The following ST18 variants were observed in gnomAD, a reference collection of about 807,000 sequenced individuals.
ST18 encodes ST18 C2H2C-type zinc finger transcription factor, also known as suppression of tumorigenicity 18 protein.
ST18 carries 50 observed loss-of-function variants against 110.0 expected under a neutral mutation model. That is an observed-to-expected ratio of 0.45 (90% CI 0.36 to 0.58). The LOEUF is 0.58. Among genes scored for constraint, ST18 ranks in the 20% least tolerant of loss-of-function variants. The probability of loss-of-function intolerance (pLI) is 0.00; values close to 1 mark genes in which losing one functional copy is unlikely to be tolerated. For synonymous variants in ST18, 461 were observed against 452.4 expected (o/e 1.02, Z -0.24); for missense variants, 1,306 against 1,280.1 (o/e 1.02, Z -0.31).
intron 2 of ST18, among the ~76,000 whole-genome samples, chr8:52,329,768 A>G (rs566078253): frequency 7.2e-5 from 11 of 152,264 alleles, no homozygotes; most frequent in African/African-American, 2.6e-4. Flanking sequence ...CTAAAAAAAA[A>G]GAAAGAAACA....
At chr8:52,260,862 C>A (rs2094670401) in intron 2 of ST18, among the ~76,000 whole-genome samples, 1 of 152,240 alleles carries the variant, frequency 6.6e-6, no homozygotes, top group Admixed American at 6.5e-5. Flanking sequence ...AAGTTGCCTT[C>A]TAGCTGTGAT....
chr8:52,395,452 G>A (rs1183066227), intron 2 of ST18, among the ~76,000 whole-genome samples: 1 of 152,220 alleles, frequency 6.6e-6, no homozygotes, highest in Non-Finnish European at 1.5e-5. Flanking sequence ...CCGTCAGGAA[G>A]TGAGGGCCTA....
intron 3 of ST18, among the ~76,000 whole-genome samples, chr8:52,227,926 G>A (rs905310348): frequency 6.6e-6 from 1 of 152,130 alleles, no homozygotes; most frequent in African/African-American, 2.4e-5. Context: ...ACATAATTTT[G>A]TGGTCATAAT....
chr8:52,252,001 T>A (rs927553223), intron 2 of ST18, among the ~76,000 whole-genome samples: 2 of 152,070 alleles, frequency 1.3e-5, no homozygotes, highest in African/African-American at 4.8e-5. Context: ...TCAAGAGCAA[T>A]AAAGTCACGC....
intron 2 of ST18, among the ~76,000 whole-genome samples, chr8:52,288,952 A>C (rs994611887): frequency 2.0e-5 from 3 of 152,008 alleles, no homozygotes; most frequent in African/African-American, 7.2e-5. Context: ...GCACCTAGAG[A>C]TTCATGGCAC....
chr8:52,224,276 G>C (rs752934410), intron 3 of ST18, among the ~76,000 whole-genome samples: 4 of 152,072 alleles, frequency 2.6e-5, no homozygotes, highest in African/African-American at 4.8e-5. Flanking sequence ...CTTTATTTTG[G>C]AGTTCCTAAT....
At chr8:52,190,685 C>T (rs550556494) in intron 8 of ST18, among the ~76,000 whole-genome samples, 1 of 152,290 alleles carries the variant, frequency 6.6e-6, no homozygotes, top group African/African-American at 2.4e-5. Context: ...GAGGGCTGTG[C>T]TAACTGCTAT....
chr8:52,343,907 T>C (rs1816424073), intron 2 of ST18, among the ~76,000 whole-genome samples: 2 of 152,214 alleles, frequency 1.3e-5, no homozygotes, highest in African/African-American at 4.8e-5. Context: ...TGGGAAGGTA[T>C]TCTCAGCTAA....
chr8:52,170,456 A>AAATC (rs1312363870), intron 10 of ST18, among the ~76,000 whole-genome samples: 37 of 100,464 alleles, frequency 3.7e-4, no homozygotes, highest in East Asian at 1.9e-3. Context: ...AAAAATCAAT[A>AAATC]AATAAATAAA....
At chr8:52,405,387 A>G (rs1403533796) in intron 2 of ST18, 4 of 152,246 alleles carry the variant, frequency 2.6e-5, no homozygotes, top group Admixed American at 2.6e-4. Flanking sequence ...AGTCCACGCC[A>G]ACAACCACAG....
At chr8:52,330,900 T>G (rs1219993672) in intron 2 of ST18, among the ~76,000 whole-genome samples, 1 of 151,952 alleles carries the variant, frequency 6.6e-6, no homozygotes, top group Non-Finnish European at 1.5e-5. Context: ...AAGGAGCGCC[T>G]AAGAGGCACA....
intron 2 of ST18, among the ~76,000 whole-genome samples, chr8:52,232,337 A>G (rs1446734076): frequency 6.6e-6 from 1 of 152,248 alleles, no homozygotes; most frequent in Non-Finnish European, 1.5e-5. Flanking sequence ...GCCATTATCA[A>G]ATATAAGCTC....
At chr8:52,170,748 C>T (rs1171112011) in intron 10 of ST18, among the ~76,000 whole-genome samples, 1 of 152,138 alleles carries the variant, frequency 6.6e-6, no homozygotes, top group Non-Finnish European at 1.5e-5. Flanking sequence ...CATTATCTTG[C>T]TCCTCACTAC....
chr8:52,134,822 C>T (rs1332418393), intron 19 of ST18, among the ~76,000 whole-genome samples: 9 of 151,956 alleles, frequency 5.9e-5, no homozygotes, highest in South Asian at 2.1e-4. Flanking sequence ...GCTGAGTAAC[C>T]GTTCGTTTTG....
chr8:52,130,310 G>A (rs1457611024), intron 22 of ST18, among the ~76,000 whole-genome samples: 3 of 152,092 alleles, frequency 2.0e-5, no homozygotes, highest in Non-Finnish European at 4.4e-5. Context: ...TCTATTTTTA[G>A]AGATGGGGTC....
chr8:52,121,645 G>C (rs1205879173), intron 23 of ST18, among the ~76,000 whole-genome samples: 2 of 152,126 alleles, frequency 1.3e-5, no homozygotes, highest in Non-Finnish European at 2.9e-5. Flanking sequence ...GGTACAGCGG[G>C]AATTCAAATA....
chr8:52,214,606 G>C (rs912433166), intron 6 of ST18, among the ~76,000 whole-genome samples: 1 of 152,110 alleles, frequency 6.6e-6, no homozygotes, highest in South Asian at 2.1e-4. Flanking sequence ...CAAACCAAAA[G>C]ATTTCAAACC....
chr8:52,157,681 T>G (rs2060371572), intron 15 of ST18, among the ~76,000 whole-genome samples: 1 of 152,246 alleles, frequency 6.6e-6, no homozygotes, highest in Non-Finnish European at 1.5e-5. Context: ...GAACCTCATT[T>G]GTTTAAAAAT....
At chr8:52,176,573 C>A (rs902728307) in intron 9 of ST18, among the ~76,000 whole-genome samples, 4 of 152,156 alleles carry the variant, frequency 2.6e-5, no homozygotes, top group African/African-American at 9.7e-5. Flanking sequence ...GGGGAGGGAG[C>A]AGCGGCTGGA....
Sources: allele counts gnomAD v4.1 joint callset (sites outside exome capture counted in the v4.1 genomes callset), GRCh38; gene constraint gnomAD v4.1.1; transcripts MANE v1.5; gene names NCBI Gene and HGNC (gene_info 2026-07-23, HGNC 2026-07-21).